XKR9: variants seen among roughly 807,000 people sequenced by gnomAD.
The protein encoded by XKR9 is XK-related protein 9.
XKR9 carries 32 observed loss-of-function variants against 32.0 expected under a neutral mutation model. The ratio of observed to expected loss-of-function variants is 1.00; its 90% confidence interval spans 0.76 to 1.34. XKR9 has a LOEUF of 1.34. Ranked by LOEUF, XKR9 falls within the 40% of genes most tolerant of loss-of-function variation. The pLI, the probability that XKR9 is intolerant of heterozygous loss-of-function variation, is 0.00. For synonymous variants in XKR9, 168 were observed against 143.4 expected, an observed-to-expected ratio of 1.17 and a Z score of -1.22; for missense variants, 546 against 429.7, an observed-to-expected ratio of 1.27 and a Z score of -2.39.
At chr8:70,692,681 C>T (rs1235381343) in intron 3 of XKR9, among the ~76,000 whole-genome samples, 15 of 152,050 alleles carry the variant, frequency 9.9e-5, no homozygotes, top group African/African-American at 2.9e-4. Flanking sequence ...CAGGTTCAAG[C>T]GATTCTCCTG....
At chr8:70,800,523 T>G in the XKR9 span, among the ~76,000 whole-genome samples, 1 of 152,206 alleles carries the variant, frequency 6.6e-6, no homozygotes, top group South Asian at 2.1e-4. Flanking sequence ...TGTTGCTCTG[T>G]CACCCACGCT....
At chr8:70,829,798 A>ATTTC in the XKR9 span, among the ~76,000 whole-genome samples, 1 of 152,278 alleles carries the variant, frequency 6.6e-6, no homozygotes, top group Admixed American at 6.5e-5. Flanking sequence ...CAAAGAAACT[A>ATTTC]CGAAATTTCC....
chr8:70,963,853 A>G, the XKR9 span, among the ~76,000 whole-genome samples: 81 of 152,314 alleles, frequency 5.3e-4, no homozygotes, highest in South Asian at 1.2e-3. Context: ...AGTTCCTTGT[A>G]GATACTGGAT....
At chr8:70,973,693 A>G in the XKR9 span, among the ~76,000 whole-genome samples, 29 of 152,158 alleles carry the variant, frequency 1.9e-4, no homozygotes. Context: ...AAGCTTTTAA[A>G]TCTCCATCTT....
At chr8:70,983,849 C>T in the XKR9 span, among the ~76,000 whole-genome samples, 1 of 151,752 alleles carries the variant, frequency 6.6e-6, no homozygotes, top group Non-Finnish European at 1.5e-5. Flanking sequence ...TTATAAATAT[C>T]TGTTTAATAA....
chr8:70,698,291 T>A (rs1236797231), intron 3 of XKR9, among the ~76,000 whole-genome samples: 52 of 151,026 alleles, frequency 3.4e-4, no homozygotes, highest in Non-Finnish European at 6.4e-4. Flanking sequence ...TGTCAATTTT[T>A]GATCTTTCCT....
the XKR9 span, among the ~76,000 whole-genome samples, chr8:70,851,828 C>A: frequency 2.0e-5 from 3 of 152,148 alleles, no homozygotes; most frequent in African/African-American, 7.2e-5. Context: ...ACCATAAACA[C>A]CCTAGAAGAA....
chr8:70,896,938 A>T, the XKR9 span, among the ~76,000 whole-genome samples: 1 of 152,214 alleles, frequency 6.6e-6, no homozygotes, highest in East Asian at 1.9e-4. Context: ...TGTTGCCTAT[A>T]GTCACCCTGT....
chr8:70,680,345 A>C (rs980802357), intron 2 of XKR9, among the ~76,000 whole-genome samples: 1 of 152,074 alleles, frequency 6.6e-6, no homozygotes, highest in Non-Finnish European at 1.5e-5. Flanking sequence ...CTTTTTGTAC[A>C]TTTTTGAATA....
the XKR9 span, among the ~76,000 whole-genome samples, chr8:70,878,968 G>A: frequency 6.6e-6 from 1 of 152,132 alleles, no homozygotes; most frequent in East Asian, 1.9e-4. Flanking sequence ...TCAGACCACA[G>A]TACAATCAAA....
At chr8:71,030,646 C>T in the XKR9 span, among the ~76,000 whole-genome samples, 1 of 152,076 alleles carries the variant, frequency 6.6e-6, no homozygotes, top group African/African-American at 2.4e-5. Context: ...TTTGAAAATC[C>T]AGCCTGAGAA....
At chr8:70,819,200 C>A in the XKR9 span, among the ~76,000 whole-genome samples, 3 of 152,158 alleles carry the variant, frequency 2.0e-5, no homozygotes, top group East Asian at 1.9e-4. Flanking sequence ...GTCTGTTAAA[C>A]CTTCAGCTGC....
At chr8:70,695,175 T>A (rs1489215182) in intron 3 of XKR9, among the ~76,000 whole-genome samples, 27 of 151,474 alleles carry the variant, frequency 1.8e-4, no homozygotes, top group African/African-American at 5.8e-4. Context: ...AAAAATTTTT[T>A]TTTATTTTAT....
At chr8:70,864,168 C>T in the XKR9 span, among the ~76,000 whole-genome samples, 2 of 152,114 alleles carry the variant, frequency 1.3e-5, no homozygotes, top group Non-Finnish European at 2.9e-5. Context: ...TGTGCTTTCC[C>T]CCCCTAAAAT....
At chr8:71,058,924 T>G in the XKR9 span, among the ~76,000 whole-genome samples, 114 of 152,346 alleles carry the variant, frequency 7.5e-4, no homozygotes, top group East Asian at 1.9e-4. Context: ...CTTCAACATT[T>G]GAATCTTCAT....
the XKR9 span, among the ~76,000 whole-genome samples, chr8:70,853,463 T>A: frequency 6.6e-6 from 1 of 151,224 alleles, no homozygotes; most frequent in Non-Finnish European, 1.5e-5. Context: ...AAACTAAACA[T>A]CTATACATCT....
the XKR9 span, among the ~76,000 whole-genome samples, chr8:71,018,390 A>G: frequency 6.6e-6 from 1 of 152,234 alleles, no homozygotes; most frequent in Admixed American, 6.5e-5. Flanking sequence ...GAGACATAGG[A>G]TATCTTCTCT....
At chr8:70,869,268 T>C in the XKR9 span, among the ~76,000 whole-genome samples, 1 of 152,158 alleles carries the variant, frequency 6.6e-6, no homozygotes, top group African/African-American at 2.4e-5. Context: ...TTTCACACTT[T>C]TATAAAGACA....
At chr8:70,905,402 T>G in the XKR9 span, among the ~76,000 whole-genome samples, 1 of 152,248 alleles carries the variant, frequency 6.6e-6, no homozygotes, top group African/African-American at 2.4e-5. Flanking sequence ...TCCTTCCACT[T>G]GATCAAATTG....
Sources: gnomAD v4.1 joint callset for allele counts (sites outside exome capture counted in the v4.1 genomes callset) on GRCh38, gnomAD v4.1.1 for gene constraint, MANE v1.5 for transcripts, NCBI Gene and HGNC (gene_info 2026-07-23, HGNC 2026-07-21) for gene names.